Variants in PCSK2 observed in about 807,000 individuals in gnomAD.
PCSK2 encodes proprotein convertase subtilisin/kexin type 2, also known as neuroendocrine convertase 2.
Under a neutral mutation model 69.7 loss-of-function variants are expected in PCSK2, and 14 were observed. That is an observed-to-expected ratio of 0.20 (90% confidence interval 0.13 to 0.31). The LOEUF (loss-of-function observed/expected upper bound fraction) is 0.31. PCSK2 is among the 10% of genes least tolerant of loss of function. The pLI, the probability that PCSK2 is intolerant of heterozygous loss-of-function variation, is 1.00. For missense variants in PCSK2, 544 were observed against 842.5 expected, an observed-to-expected ratio of 0.65 and a Z score of 4.39; for synonymous variants, 307 against 320.7, an observed-to-expected ratio of 0.96 and a Z score of 0.46.
At chr20:17,399,764 C>G (rs1450321704) in intron 5 of PCSK2, among the ~76,000 whole-genome samples, 2 of 152,164 alleles carry the variant, frequency 1.3e-5, no homozygotes, top group Non-Finnish European at 2.9e-5. Flanking sequence ...AAGCTGTACT[C>G]AGAAACCCAG....
chr20:17,365,304 C>T (rs2030553033), intron 4 of PCSK2, among the ~76,000 whole-genome samples: 1 of 152,114 alleles, frequency 6.6e-6, no homozygotes, highest in Non-Finnish European at 1.5e-5. Context: ...GTACGAACCC[C>T]ATTCATGAAG....
intron 2 of PCSK2, among the ~76,000 whole-genome samples, chr20:17,261,773 G>A (rs549716578): frequency 3.3e-5 from 5 of 152,238 alleles, no homozygotes; most frequent in Admixed American, 2.0e-4. Context: ...CTGGTGCACC[G>A]TGACATTTGT....
chr20:17,249,846 A>G (rs1986909786), intron 1 of PCSK2, among the ~76,000 whole-genome samples: 1 of 152,106 alleles, frequency 6.6e-6, no homozygotes, highest in Non-Finnish European at 1.5e-5. Context: ...TGGGGGGGGA[A>G]TGGAGAGTTA....
chr20:17,394,968 G>C (rs2031476406), intron 5 of PCSK2, among the ~76,000 whole-genome samples: 1 of 152,080 alleles, frequency 6.6e-6, no homozygotes, highest in Non-Finnish European at 1.5e-5. Flanking sequence ...GTTCTTTTTT[G>C]TCACATTTCA....
At chr20:17,467,786 TCTACAGCAGGCACACAGTAGGCA>T (rs1158764094) in intron 11 of PCSK2, among the ~76,000 whole-genome samples, 1 of 152,170 alleles carries the variant, frequency 6.6e-6, no homozygotes, top group Non-Finnish European at 1.5e-5. Context: ...AACACACAAG[TCTACAGCAGGCACACAGTAGGCA>T]CTTAATAAAT....
chr20:17,417,816 T>C (rs1363268398), intron 6 of PCSK2, among the ~76,000 whole-genome samples: 2 of 152,218 alleles, frequency 1.3e-5, no homozygotes, highest in African/African-American at 4.8e-5. Context: ...AGAGAATGAC[T>C]GAAGTATAGA....
At chr20:17,410,624 G>A (rs1326906932) in intron 6 of PCSK2, among the ~76,000 whole-genome samples, 1 of 152,212 alleles carries the variant, frequency 6.6e-6, no homozygotes, top group Non-Finnish European at 1.5e-5. Flanking sequence ...AATGCTTGGA[G>A]GTGTGTGTTT....
intron 8 of PCSK2, among the ~76,000 whole-genome samples, chr20:17,449,663 G>A (rs2032781004): frequency 6.6e-6 from 1 of 151,806 alleles, no homozygotes. Context: ...GAGTAGCTGG[G>A]ACTACAGGCA....
chr20:17,416,180 C>A (rs2031995380), intron 6 of PCSK2, among the ~76,000 whole-genome samples: 1 of 152,164 alleles, frequency 6.6e-6, no homozygotes, highest in Non-Finnish European at 1.5e-5. Context: ...CAAATGGGAT[C>A]TAATTAAACT....
intron 4 of PCSK2, among the ~76,000 whole-genome samples, chr20:17,361,078 T>C (rs1203327597): frequency 6.6e-6 from 1 of 152,224 alleles, no homozygotes; most frequent in Non-Finnish European, 1.5e-5. Flanking sequence ...TTTATTTCAA[T>C]TCCTCAATCA....
At chr20:17,418,084 A>C in intron 6 of PCSK2, among the ~76,000 whole-genome samples, 1 of 152,216 alleles carries the variant, frequency 6.6e-6, no homozygotes, top group East Asian at 1.9e-4. Flanking sequence ...CAATGCAAAA[A>C]TGTAGCCCAG....
At chr20:17,277,208 G>A (rs983147811) in intron 2 of PCSK2, among the ~76,000 whole-genome samples, 30 of 152,170 alleles carry the variant, frequency 2.0e-4, no homozygotes, top group African/African-American at 7.0e-4. Context: ...CACAGAACTG[G>A]AAAAAACTAC....
chr20:17,310,944 G>A (rs553375958), intron 2 of PCSK2, among the ~76,000 whole-genome samples: 6 of 148,654 alleles, frequency 4.0e-5, no homozygotes, highest in East Asian at 2.0e-4. Flanking sequence ...AGAGGTTGTC[G>A]TGAGCCAAGA....
intron 2 of PCSK2, among the ~76,000 whole-genome samples, chr20:17,353,988 G>A (rs889916584): frequency 2.0e-5 from 3 of 152,036 alleles, no homozygotes; most frequent in East Asian, 1.9e-4. Context: ...TAGACAATGG[G>A]GACTACTAGA....
intron 4 of PCSK2, among the ~76,000 whole-genome samples, chr20:17,366,466 T>C (rs1380820498): frequency 6.6e-6 from 1 of 152,308 alleles, no homozygotes; most frequent in Non-Finnish European, 1.5e-5. Context: ...CCTGCGGTTT[T>C]CCAGGACCGA....
chr20:17,478,129 C>T lies in PCSK2; in HGVS notation c.1431-3455C>T, dbSNP rs1568666920. 3.3e-5 allele frequency among the ~76,000 whole-genome samples: 5 copies of T among 152,174 alleles called. No individual in the cohort carries two copies. In the South Asian group the frequency reaches 8.3e-4, roughly 25 times the overall value. On this transcript the variant is annotated intron_variant, in intron 11 of 11. Coordinates refer to ENST00000262545, the MANE Select transcript of PCSK2 (RefSeq NM_002594.5). ...TTGCTAGGAGCAACTCTTAAAATTA[C>T]ATCTATCATTCTGTCAGAAAGCAGT...
At chr20:17,237,206 G>A (rs995887915) in intron 1 of PCSK2, among the ~76,000 whole-genome samples, 1 of 152,106 alleles carries the variant, frequency 6.6e-6, no homozygotes, top group African/African-American at 2.4e-5. Flanking sequence ...GTTGGTGAGT[G>A]GGATATTGAA....
chr20:17,311,654 T>A (rs1405635992), intron 2 of PCSK2, among the ~76,000 whole-genome samples: 3 of 152,136 alleles, frequency 2.0e-5, no homozygotes, highest in African/African-American at 7.2e-5. Flanking sequence ...TATGGATAGA[T>A]CAGGGCTGGG....
At chr20:17,398,794 C>T (rs563680250) in intron 5 of PCSK2, among the ~76,000 whole-genome samples, 16 of 151,916 alleles carry the variant, frequency 1.1e-4, no homozygotes, top group Non-Finnish European at 2.2e-4. Context: ...CAAGCCCCAC[C>T]CCAGATTAAT....
Sources: gnomAD v4.1 joint callset for allele counts (sites outside exome capture counted in the v4.1 genomes callset) on GRCh38, gnomAD v4.1.1 for gene constraint, MANE v1.5 for transcripts, NCBI Gene and HGNC (gene_info 2026-07-23, HGNC 2026-07-21) for gene names.